The following ANKMY2 variants were observed in gnomAD, a reference collection of about 807,000 sequenced individuals.
ANKMY2 encodes ankyrin repeat and MYND domain-containing protein 2.
In ANKMY2, 36 loss-of-function variants were observed where a neutral mutation model predicts 50.4. The observed-to-expected ratio is 0.71, with a 90% CI of 0.55 to 0.94. The LOEUF is 0.94. Ranked by LOEUF, ANKMY2 falls within the 40% of genes least tolerant of loss-of-function variation. The pLI is 0.00. For synonymous variants in ANKMY2, 187 were observed against 178.8 expected (o/e 1.05, Z -0.36); for missense variants, 565 against 524.0 (o/e 1.08, Z -0.76).
chr7:16,632,968 T>C (rs1455607918), intron 2 of ANKMY2, among the ~76,000 whole-genome samples: 2 of 152,212 alleles, frequency 1.3e-5, no homozygotes, highest in African/African-American at 2.4e-5. Flanking sequence ...TGGTATTTCA[T>C]TGTGCTTTTT....
chr7:16,602,140 T>C (rs531852602), intron 9 of ANKMY2, among the ~76,000 whole-genome samples: 1 of 152,318 alleles, frequency 6.6e-6, no homozygotes, highest in African/African-American at 2.4e-5. Context: ...AGCTAGAATG[T>C]AAAATATGAA....
chr7:16,625,044 A>C lies in ANKMY2; in HGVS notation c.309T>G (p.Gly103=). ...CAGAGTTGACAACATCTGTCTCAGCACCAGCTTCTAACATTACCCATGTGA... is the reference window on the plus strand; with the variant it reads ...CAGAGTTGACAACATCTGTCTCAGCCCCAGCTTCTAACATTACCCATGTGA... ...KDITWVMLEA[G]AETDVVNSVG... The change falls in exon 4 of 10, where the codon GGT becomes GGG. Residue 103 remains glycine (G), a synonymous_variant. Transcript: ENST00000306999. The C allele has an allele frequency of 6.2e-7, 1 of 1,614,148 alleles. No individual in the cohort carries two copies. The highest frequency in any genetic ancestry group is 8.5e-7 in the Non-Finnish European group (1 of 1,180,004).
intron 2 of ANKMY2, among the ~76,000 whole-genome samples, chr7:16,631,167 G>A (rs1562465486): frequency 6.6e-6 from 1 of 151,986 alleles, no homozygotes; most frequent in Non-Finnish European, 1.5e-5. Flanking sequence ...ATCTGTTGTG[G>A]TGATCCTATT....
Position 16,645,491 on chromosome 7 carries a change from AGC to A in ANKMY2, c.67+14_67+15del. 1 of 1,599,010 alleles carries A rather than the reference AGC, an allele frequency of 6.3e-7. No individual in the cohort carries two copies. The highest frequency in any genetic ancestry group is 8.5e-7 in the Non-Finnish European group (1 of 1,174,034). Reference sequence around the variant, plus strand: ...GCCAGGCTGGCCGCGGCCGCGTCGCAGCCCAGCACCCGTACCTTTCCCGATGA... The same window carrying A: ...GCCAGGCTGGCCGCGGCCGCGTCGCACCAGCACCCGTACCTTTCCCGATGA... On this transcript the variant is annotated intron_variant, in intron 1 of 9. Transcript: ENST00000306999.
In ANKMY2 at chr7:16,645,669, T is replaced by C. The variant is rs1169922616; in HGVS notation, c.-96A>G. Reference sequence around the variant, plus strand: ...GGAACGCCAGCCGCAATGAGGCAACTTGAGACCAAGACACTGAGTAGCCAA... The same window carrying C: ...GGAACGCCAGCCGCAATGAGGCAACCTGAGACCAAGACACTGAGTAGCCAA... On this transcript the variant is annotated 5_prime_UTR_variant, in exon 1 of 10. Coordinates refer to ENST00000306999, the MANE Select transcript of ANKMY2 (RefSeq NM_020319.3). 16 of 1,376,942 alleles carry C rather than the reference T, an allele frequency of 1.2e-5. No homozygotes were observed. In the Admixed American group the frequency reaches 3.3e-4, roughly 28 times the overall value. 85.3% of individuals were successfully genotyped at this position (1,376,942 alleles called of 1,614,324 possible). A position where few individuals can be genotyped will look rare whatever the true frequency, so the allele number is the denominator to read the frequency against.
intron 2 of ANKMY2, among the ~76,000 whole-genome samples, chr7:16,627,606 G>A (rs983457630): frequency 6.6e-6 from 1 of 152,186 alleles, no homozygotes; most frequent in African/African-American, 2.4e-5. Context: ...GGGATATTAT[G>A]AAGCTATTAA....
chr7:16,625,126 C>A lies in ANKMY2; in HGVS notation c.272-45G>T, dbSNP rs772456325. The A allele has an allele frequency of 2.1e-6, 3 of 1,453,510 alleles. No individual in the cohort carries two copies. The East Asian group carries it at 6.8e-5, about 33-fold the overall frequency. The allele number at this position is 1,453,510 out of a possible 1,614,324, so 90.0% of individuals were successfully genotyped here. A position where few individuals can be genotyped will look rare whatever the true frequency, so the allele number is the denominator to read the frequency against. On this transcript the variant is annotated intron_variant, in intron 3 of 9. Transcript: ENST00000306999. ...ACATTTGTTAATGTTAAGGAGGACA[C>A]AATTTAAACATCCCTTTCTAAACTC...
At chr7:16,609,554 G>T in intron 7 of ANKMY2, 76 bp downstream of exon 7, 1 of 1,409,776 alleles carries the variant, frequency 7.1e-7, no homozygotes, top group Non-Finnish European at 9.4e-7. Flanking sequence ...ATATTAAAGA[G>T]AACTTGCCTT....
Position 16,609,752 on chromosome 7 carries a change from G to A in ANKMY2, c.760C>T (p.Arg254Ter), listed in dbSNP as rs532143514. The part of the protein sequence containing the change: ...DTLIKSLLKG[R>*]ASDGFPVYQE... ...TACACTGGAAAGCCATCAGAAGCTC[G>A]GCCTTTTAACAAGCTGAAAGATATT... is the stretch of plus-strand genomic sequence containing the variant. The change falls in exon 7 of 10, where the codon CGA (arginine) becomes TGA (stop). Residue 254 changes from arginine to a stop codon, truncating the protein, a stop_gained. Transcript: ENST00000306999. LOFTEE classifies it high-confidence loss of function. The A allele has an allele frequency of 9.3e-6, 15 of 1,607,584 alleles. No individual in the cohort carries two copies. The highest frequency in any genetic ancestry group is 1.7e-5 in the Admixed American group (1 of 58,440).
chr7:16,609,610 T>A lies in ANKMY2; in HGVS notation c.882+20A>T. The A allele has an allele frequency of 6.3e-7, 1 of 1,584,034 alleles. No individual in the cohort carries two copies. Among genetic ancestry groups the A allele is most frequent in the South Asian group, 1.2e-5 (1 of 85,452 alleles). On this transcript the variant is annotated intron_variant, in intron 7 of 9. Transcript: ENST00000306999. ...ATTAGGTTTTACTGATAGAGTCAACTTAGGTAAGAGGAGCCTTACAATTTC... is the reference window on the plus strand; with the variant it reads ...ATTAGGTTTTACTGATAGAGTCAACATAGGTAAGAGGAGCCTTACAATTTC...
chr7:16,619,377 C>T (rs1781402103), intron 4 of ANKMY2, among the ~76,000 whole-genome samples: 1 of 152,124 alleles, frequency 6.6e-6, no homozygotes, highest in Non-Finnish European at 1.5e-5. Context: ...TGGTCTCGAA[C>T]TCCCAACCTC....
chr7:16,639,041 T>C (rs1404750779), intron 1 of ANKMY2, among the ~76,000 whole-genome samples: 1 of 152,188 alleles, frequency 6.6e-6, no homozygotes, highest in East Asian at 1.9e-4. Context: ...ATTGGGCTTC[T>C]AGAGGGTAAA....
intron 1 of ANKMY2, among the ~76,000 whole-genome samples, chr7:16,643,230 G>T (rs1781769933): frequency 6.6e-6 from 1 of 152,164 alleles, no homozygotes. Context: ...TTTCAAACCA[G>T]ACCTGCATGG....
intron 1 of ANKMY2, among the ~76,000 whole-genome samples, chr7:16,637,474 T>A (rs1013304616): frequency 6.6e-6 from 1 of 152,210 alleles, no homozygotes; most frequent in Non-Finnish European, 1.5e-5. Flanking sequence ...ATCTCCTAGA[T>A]AGAGAAGTAG....
Position 16,600,245 on chromosome 7 carries a change from G to A in ANKMY2, c.*516C>T, listed in dbSNP as rs1781018497. The A allele has an allele frequency of 6.6e-6, 1 of 152,274 alleles. No individual in the cohort carries two copies. The highest frequency in any genetic ancestry group is 6.5e-5 in the Admixed American group (1 of 15,268). The allele number at this position is 152,274 out of a possible 1,614,324, so 9.4% of individuals were successfully genotyped here. A position where few individuals can be genotyped will look rare whatever the true frequency, so the allele number is the denominator to read the frequency against. On this transcript the variant is annotated 3_prime_UTR_variant, in exon 10 of 10. Transcript: ENST00000306999. Reference sequence around the variant, plus strand: ...CTACAATTAGCTGAACTATGGCAAAGGTCCTTGAACATAAAGCCTTTCTTC... The same window carrying A: ...CTACAATTAGCTGAACTATGGCAAAAGTCCTTGAACATAAAGCCTTTCTTC...
At position 16,613,899 on chromosome 7, in the gene ANKMY2, C is replaced by A. The variant is rs188817241; in HGVS notation, c.531+1845G>T. On this transcript the variant is annotated intron_variant, in intron 5 of 9. Transcript: ENST00000306999. ...CTGTACCACTGCACTCCAGGCTGGG[C>A]GACAGAGCAAGACCCTATCTCAAAA... 1.1e-4 allele frequency among the ~76,000 whole-genome samples: 16 copies of A among 139,626 alleles called. No individual in the cohort carries two copies. In the East Asian group the frequency reaches 3.4e-3, roughly 29 times the overall value. 91.6% of individuals were successfully genotyped at this position (139,626 alleles called of 152,430 possible). A position where few individuals can be genotyped will look rare whatever the true frequency, so the allele number is the denominator to read the frequency against.
intron 2 of ANKMY2, among the ~76,000 whole-genome samples, chr7:16,633,149 A>C (rs1225917485): frequency 6.7e-6 from 1 of 148,558 alleles, no homozygotes; most frequent in Non-Finnish European, 1.5e-5. Context: ...TCTAGTTACA[A>C]GTTCCTTATC....
chr7:16,637,121 C>T (rs1201910896), intron 1 of ANKMY2, among the ~76,000 whole-genome samples: 1 of 152,272 alleles, frequency 6.6e-6, no homozygotes, highest in Middle Eastern at 3.4e-3. Flanking sequence ...AGCATACTTG[C>T]AGGAGAGAAT....
chr7:16,644,473 A>G (rs973589960), intron 1 of ANKMY2, among the ~76,000 whole-genome samples: 7 of 152,314 alleles, frequency 4.6e-5, no homozygotes, highest in Non-Finnish European at 8.8e-5. Flanking sequence ...CTTATTCTCT[A>G]GGATTCCACA....
Sources: allele counts gnomAD v4.1 joint callset (sites outside exome capture counted in the v4.1 genomes callset), GRCh38; gene constraint gnomAD v4.1.1; transcripts MANE v1.5; gene names NCBI Gene and HGNC (gene_info 2026-07-23, HGNC 2026-07-21).